The following ATRNL1 variants were observed in gnomAD, a reference collection of about 807,000 sequenced individuals.
ATRNL1 encodes attractin-like protein 1.
ATRNL1 carries 95 observed loss-of-function variants against 182.7 expected under a neutral mutation model. That is an observed-to-expected ratio of 0.52 (90% CI 0.44 to 0.62). ATRNL1 has a LOEUF of 0.62. ATRNL1 is among the 20% of genes least tolerant of loss of function. The pLI is 0.00. For synonymous variants in ATRNL1, 576 were observed against 568.3 expected, an observed-to-expected ratio of 1.01 and a Z score of -0.19; for missense variants, 1,471 against 1,679.5, an observed-to-expected ratio of 0.88 and a Z score of 2.17.
At chr10:115,710,521 T>C (rs985666492) in intron 26 of ATRNL1, among the ~76,000 whole-genome samples, 1 of 152,108 alleles carries the variant, frequency 6.6e-6, no homozygotes, top group Non-Finnish European at 1.5e-5. Context: ...GTCTGGATAT[T>C]CCACTGAAAG....
intron 19 of ATRNL1, among the ~76,000 whole-genome samples, chr10:115,367,894 C>A (rs1284574950): frequency 3.3e-5 from 5 of 149,550 alleles, no homozygotes; most frequent in Admixed American, 1.3e-4. Flanking sequence ...TCTCCAGCTG[C>A]GTGCTGGGAG....
chr10:115,369,953 AT>A (rs1353513476), intron 19 of ATRNL1, among the ~76,000 whole-genome samples: 40 of 152,188 alleles, frequency 2.6e-4, no homozygotes, highest in Non-Finnish European at 5.9e-4. Flanking sequence ...AGCTGCTGTA[AT>A]TGCCAGGTGT....
intron 25 of ATRNL1, among the ~76,000 whole-genome samples, chr10:115,542,387 C>T (rs1010870858): frequency 8.6e-5 from 13 of 152,034 alleles, no homozygotes; most frequent in African/African-American, 2.4e-4. Context: ...ACTCCCTCCA[C>T]GTGGCTGTGT....
chr10:115,379,073 A>C (rs1857839095), intron 19 of ATRNL1, among the ~76,000 whole-genome samples: 1 of 151,980 alleles, frequency 6.6e-6, no homozygotes, highest in Non-Finnish European at 1.5e-5. Flanking sequence ...CTTTTTTTGC[A>C]TCTTTTTTTA....
At chr10:115,206,436 ATTATG>A (rs1414085810) in intron 8 of ATRNL1, among the ~76,000 whole-genome samples, 5 of 152,100 alleles carry the variant, frequency 3.3e-5, no homozygotes, top group Non-Finnish European at 5.9e-5. Context: ...TCTACCTTTA[ATTATG>A]TTATATCACT....
At chr10:115,593,214 A>G (rs951036379) in intron 26 of ATRNL1, among the ~76,000 whole-genome samples, 13 of 152,234 alleles carry the variant, frequency 8.5e-5, no homozygotes, top group African/African-American at 3.1e-4. Context: ...CACTCCCTTG[A>G]TATGAACATC....
intron 26 of ATRNL1, among the ~76,000 whole-genome samples, chr10:115,556,093 A>G (rs1213059360): frequency 1.3e-5 from 2 of 151,996 alleles, no homozygotes; most frequent in Non-Finnish European, 2.9e-5. Context: ...ATAATGGACC[A>G]CTTATAATGT....
intron 13 of ATRNL1, among the ~76,000 whole-genome samples, chr10:115,273,831 C>T (rs992459760): frequency 4.6e-5 from 7 of 152,144 alleles, no homozygotes; most frequent in Admixed American, 3.3e-4. Context: ...CTTCATGTAA[C>T]GTAGTTGCTC....
chr10:115,914,966 A>G (rs1952799501), intron 28 of ATRNL1, among the ~76,000 whole-genome samples: 1 of 152,252 alleles, frequency 6.6e-6, no homozygotes, highest in African/African-American at 2.4e-5. Context: ...AAAAACTAGA[A>G]TACAATATAT....
At chr10:115,436,099 G>A (rs1846393512) in intron 21 of ATRNL1, among the ~76,000 whole-genome samples, 1 of 151,988 alleles carries the variant, frequency 6.6e-6, no homozygotes, top group African/African-American at 2.4e-5. Context: ...TACGGACATA[G>A]GGTAATACTA....
At chr10:115,298,618 C>T (rs745838146) in intron 15 of ATRNL1, among the ~76,000 whole-genome samples, 64 of 152,088 alleles carry the variant, frequency 4.2e-4, no homozygotes, top group Non-Finnish European at 8.2e-4. Flanking sequence ...TAGGTTTTTG[C>T]TTATTAAAAT....
In ATRNL1 at chr10:115,203,106, A is replaced by G. The variant is rs1412976749; in HGVS notation, c.1349-12591A>G. ...AAGAGAATAGCTTGGTCATTGTGGAAGTATGAAATGATTGTATTTTAATAT... is the reference window on the plus strand; with the variant it reads ...AAGAGAATAGCTTGGTCATTGTGGAGGTATGAAATGATTGTATTTTAATAT... On this transcript the variant is annotated intron_variant, in intron 8 of 28. Coordinates refer to ENST00000355044, the MANE Select transcript of ATRNL1 (RefSeq NM_207303.4). Among the ~76,000 whole-genome samples, 3 of 152,138 alleles carry G rather than the reference A, an allele frequency of 2.0e-5. No homozygotes were observed. The East Asian group carries it at 5.8e-4, about 29-fold the overall frequency.
At chr10:115,148,530 A>G (rs1338533946) in intron 5 of ATRNL1, among the ~76,000 whole-genome samples, 1 of 152,100 alleles carries the variant, frequency 6.6e-6, no homozygotes, top group Non-Finnish European at 1.5e-5. Flanking sequence ...TCTTAGAGAA[A>G]AAGCTTTTGG....
At chr10:115,336,984 G>C (rs1038057778) in intron 19 of ATRNL1, among the ~76,000 whole-genome samples, 3 of 146,788 alleles carry the variant, frequency 2.0e-5, no homozygotes, top group African/African-American at 8.0e-5. Flanking sequence ...TAGCTGGGGG[G>C]GGGGGACTAC....
At position 115,315,527 on chromosome 10, in the gene ATRNL1, G is replaced by T. The variant is rs1854255903; in HGVS notation, c.2828G>T (p.Cys943Phe). Residue 943 changes from cysteine (C) to phenylalanine (F), a missense_variant, in exon 18 of 29, where the codon TGT becomes TTT. Physicochemically the swap from Cys to Phe is radical, Grantham distance 205. Around this residue, in one of 3 missense-constraint regions of ATRNL1, gnomAD observed 1,031 missense variants for 1,156.0 expected, o/e 0.89. Coordinates refer to ENST00000355044, the MANE Select transcript of ATRNL1 (RefSeq NM_207303.4). ...WQTATCSPQN[C>F]SGLRTCGQCL... ...TGTTCCTGTCACGCAGCTCAAAATT[G>T]TTCTGGATTGAGAACCTGTGGACAG... 3 of 1,609,020 alleles carry T rather than the reference G, an allele frequency of 1.9e-6. No homozygotes were observed. The highest frequency in any genetic ancestry group is 2.6e-6 in the Non-Finnish European group (3 of 1,176,450).
In ATRNL1 at chr10:115,519,275, CA is replaced by C. The variant is rs782420160; in HGVS notation, c.3669del (p.Gln1223HisfsTer62). On this transcript the variant is annotated frameshift_variant, in exon 25 of 29. Transcript: ENST00000355044. LOFTEE classifies it high-confidence loss of function. ...TTTGATTTTTCAGATTGCATTCTCACAACACAATACAATCATGGACCTTGTG... is the reference window on the plus strand; with the variant it reads ...TTTGATTTTTCAGATTGCATTCTCACACACAATACAATCATGGACCTTGTG... The part of the protein sequence containing the change: ...WPIKIQIAFS[Q>X]HNTIMDLVQF... 6.2e-7 allele frequency: 1 copy of C among 1,610,098 alleles called. No homozygotes were observed. Among genetic ancestry groups the C allele is most frequent in the African/African-American group, 1.3e-5 (1 of 74,794 alleles).
intron 9 of ATRNL1, 41 bp from the exon 10 acceptor site, chr10:115,241,530 A>C: frequency 1.4e-6 from 2 of 1,447,952 alleles, no homozygotes; most frequent in Non-Finnish European, 1.9e-6. Context: ...CAGGGAGGTC[A>C]TTTTATCCTT....
chr10:115,693,310 A>C (rs1334032475), intron 26 of ATRNL1, among the ~76,000 whole-genome samples: 1 of 152,152 alleles, frequency 6.6e-6, no homozygotes, highest in African/African-American at 2.4e-5. Context: ...CCAATAGTCT[A>C]AGATTCTAAG....
chr10:115,452,173 A>C (rs2134489470), intron 21 of ATRNL1, among the ~76,000 whole-genome samples: 1 of 152,278 alleles, frequency 6.6e-6, no homozygotes, highest in Middle Eastern at 3.4e-3. Context: ...GGGTGATGAA[A>C]AAATCTGTAT....
Sources: gnomAD v4.1 joint callset for allele counts (sites outside exome capture counted in the v4.1 genomes callset) on GRCh38, gnomAD v4.1.1 for gene constraint, gnomAD v4.1.1 regional missense constraint, MANE v1.5 for transcripts, NCBI Gene and HGNC (gene_info 2026-07-23, HGNC 2026-07-21) for gene names.